The following ACSS3 variants were observed in gnomAD, a reference collection of about 807,000 sequenced individuals.
The protein encoded by ACSS3 is acyl-CoA synthetase short chain family member 3.
ACSS3 carries 64 observed loss-of-function variants against 84.2 expected under a neutral mutation model. The ratio of observed to expected loss-of-function variants is 0.76; its 90% CI spans 0.62 to 0.94. The LOEUF is 0.94. Among genes scored for constraint, ACSS3 ranks in the 40% least tolerant of loss-of-function variants. The pLI is 0.00. For synonymous variants in ACSS3, 317 were observed against 310.1 expected (o/e 1.02, Z -0.23); for missense variants, 815 against 867.6 (o/e 0.94, Z 0.76).
At chr12:81,228,813 G>C (rs1242491158) in intron 11 of ACSS3, among the ~76,000 whole-genome samples, 2 of 151,804 alleles carry the variant, frequency 1.3e-5, no homozygotes, top group Non-Finnish European at 2.9e-5. Context: ...AAACAGTTAG[G>C]AGTCTTTGCT....
In ACSS3 at chr12:81,255,518, GTTAC is replaced by G. The variant is rs3074197; in HGVS notation, c.*600_*603del. 64,481 of 151,428 alleles carry G rather than the reference GTTAC, an allele frequency of 0.43. 14,600 individuals are homozygous for G. Among genetic ancestry groups the G allele is most frequent in the Non-Finnish European group, 0.52 (34,975 of 67,770 alleles). The allele number at this position is 151,428 out of a possible 1,614,324, so 9.4% of individuals were successfully genotyped here. On this transcript the variant is annotated 3_prime_UTR_variant, in exon 16 of 16. Transcript: ENST00000548058. ...TTATAGCTATACCTTCAGGTCTTTT[GTTAC>G]TTAGGCAAGGAAAACCACATGTCTG...
Position 81,259,460 on chromosome 12 carries a change from C to T in ACSS3, c.*4538C>T. ...TATGATGTAGATGATGTTTATTATT[C>T]AAATGACTTAAGCATTTTATTACAA... On this transcript the variant is annotated 3_prime_UTR_variant, in exon 16 of 16. Coordinates refer to ENST00000548058, the MANE Select transcript of ACSS3 (RefSeq NM_024560.4). 3.0e-6 allele frequency: 2 copies of T among 670,072 alleles called. No individual in the cohort carries two copies. The highest frequency in any genetic ancestry group is 3.3e-5 in the South Asian group (2 of 60,272). The allele number at this position is 670,072 out of a possible 1,614,324, so 41.5% of individuals were successfully genotyped here. A position where few individuals can be genotyped will look rare whatever the true frequency, so the allele number is the denominator to read the frequency against.
chr12:81,211,380 G>A (rs1426552921), intron 9 of ACSS3, among the ~76,000 whole-genome samples: 2 of 152,116 alleles, frequency 1.3e-5, no homozygotes, highest in Admixed American at 6.6e-5. Flanking sequence ...GTCAAAATGG[G>A]TAGATTAAGG....
At chr12:81,213,191 A>T (rs945383228) in intron 9 of ACSS3, among the ~76,000 whole-genome samples, 1 of 152,152 alleles carries the variant, frequency 6.6e-6, no homozygotes. Flanking sequence ...TGTTTTTAGA[A>T]CATCCTGGAA....
chr12:81,207,292 C>T (rs1421635359), intron 9 of ACSS3, among the ~76,000 whole-genome samples: 3 of 152,130 alleles, frequency 2.0e-5, no homozygotes, highest in Non-Finnish European at 1.5e-5. Context: ...GGGCCTACTG[C>T]CCCCACAAAA....
chr12:81,154,800 A>G (rs930514449), intron 7 of ACSS3, among the ~76,000 whole-genome samples: 5 of 152,210 alleles, frequency 3.3e-5, no homozygotes, highest in Non-Finnish European at 5.9e-5. Context: ...CCTGCAGACC[A>G]TTCCTTTAGG....
At chr12:81,144,903 C>CTTTT (rs1292727483) in intron 5 of ACSS3, among the ~76,000 whole-genome samples, 18 of 116,952 alleles carry the variant, frequency 1.5e-4, no homozygotes, top group South Asian at 2.7e-4. Flanking sequence ...TTTTTCTTTT[C>CTTTT]TTTTTTTTTT....
At chr12:81,106,603 C>A (rs555906260) in intron 1 of ACSS3, among the ~76,000 whole-genome samples, 1 of 152,208 alleles carries the variant, frequency 6.6e-6, no homozygotes, top group East Asian at 1.9e-4. Flanking sequence ...TTGGGGACTG[C>A]TGATCTAGAG....
At chr12:81,177,012 A>T (rs2030534809) in intron 8 of ACSS3, among the ~76,000 whole-genome samples, 1 of 152,236 alleles carries the variant, frequency 6.6e-6, no homozygotes, top group South Asian at 2.1e-4. Flanking sequence ...TTGGTTCAAC[A>T]TATGCAAATC....
intron 7 of ACSS3, among the ~76,000 whole-genome samples, chr12:81,159,891 A>C (rs546757517): frequency 6.6e-6 from 1 of 152,326 alleles, no homozygotes; most frequent in Non-Finnish European, 1.5e-5. Context: ...TGCAGAATCA[A>C]AATCCAACAC....
intron 1 of ACSS3, among the ~76,000 whole-genome samples, chr12:81,097,302 G>A (rs1294180425): frequency 6.6e-6 from 1 of 152,146 alleles, no homozygotes; most frequent in African/African-American, 2.4e-5. Context: ...TTCTGCTGTT[G>A]TAGAGCAAGA....
chr12:81,254,478 A>G (rs2034246585), intron 15 of ACSS3, among the ~76,000 whole-genome samples: 1 of 152,186 alleles, frequency 6.6e-6, no homozygotes, highest in African/African-American at 2.4e-5. Context: ...TGTGTACATT[A>G]TGTGTGCAAA....
At chr12:81,210,684 A>G (rs2032556815) in intron 9 of ACSS3, among the ~76,000 whole-genome samples, 1 of 152,168 alleles carries the variant, frequency 6.6e-6, no homozygotes, top group Admixed American at 6.5e-5. Context: ...TGATTGGTTC[A>G]CAGGAATAAT....
intron 1 of ACSS3, among the ~76,000 whole-genome samples, chr12:81,092,052 G>A (rs1881701544): frequency 6.6e-6 from 1 of 151,970 alleles, no homozygotes; most frequent in Non-Finnish European, 1.5e-5. Flanking sequence ...CATAATACCA[G>A]TGTTACAGAT....
intron 9 of ACSS3, among the ~76,000 whole-genome samples, chr12:81,202,541 A>G (rs1240650363): frequency 6.6e-6 from 1 of 152,218 alleles, no homozygotes; most frequent in Non-Finnish European, 1.5e-5. Flanking sequence ...AGAGAAGGTT[A>G]GCTTTAACCA....
intron 1 of ACSS3, among the ~76,000 whole-genome samples, chr12:81,081,849 G>A (rs897310251): frequency 6.6e-6 from 1 of 152,176 alleles, no homozygotes; most frequent in Admixed American, 6.5e-5. Flanking sequence ...CATTTCTGTA[G>A]TCAAGATACT....
chr12:81,142,996 T>TA, intron 4 of ACSS3, 111 bp from the exon 5 acceptor site: 1 of 1,028,820 alleles, frequency 9.7e-7, no homozygotes, highest in African/African-American at 1.6e-5. Flanking sequence ...CAGTGCCATA[T>TA]AGGCCTAGAT....
Position 81,253,391 on chromosome 12 carries a change from T to C in ACSS3, c.1804T>C (p.Cys602Arg). The C allele has an allele frequency of 6.2e-7, 1 of 1,613,978 alleles. No individual in the cohort carries two copies. Residue 602 changes from cysteine (C) to arginine (R), a missense_variant, in exon 14 of 16, where the codon TGT becomes CGT. Coordinates refer to ENST00000548058, the MANE Select transcript of ACSS3 (RefSeq NM_024560.4). ...AAAAGGTCATGTCCCCTTAGCACTC[T>C]GTGTATTGAGAAAAGGTGAGAGATC... ...PLKGHVPLAL[C>R]VLRKDINATE...
intron 1 of ACSS3, among the ~76,000 whole-genome samples, chr12:81,105,302 AAAAT>A (rs1279967153): frequency 1.3e-5 from 2 of 152,256 alleles, no homozygotes; most frequent in Non-Finnish European, 2.9e-5. Context: ...AAATATATAA[AAAAT>A]AACCAAATGG....
Sources: allele counts gnomAD v4.1 joint callset (sites outside exome capture counted in the v4.1 genomes callset), GRCh38; gene constraint gnomAD v4.1.1; transcripts MANE v1.5; gene names NCBI Gene and HGNC (gene_info 2026-07-23, HGNC 2026-07-21).